FSD1: variants seen among roughly 807,000 people sequenced by gnomAD.
FSD1 encodes the protein fibronectin type III and SPRY domain containing 1, also known as fibronectin type III and SPRY domain-containing protein 1.
Under a neutral mutation model 58.2 loss-of-function variants are expected in FSD1, and 23 were observed. The observed-to-expected ratio is 0.40, with a 90% CI of 0.28 to 0.56. FSD1 has a LOEUF of 0.56. Among genes scored for constraint, FSD1 ranks in the 20% least tolerant of loss-of-function variants. The pLI, the probability that FSD1 is intolerant of heterozygous loss-of-function variation, is 0.54. For synonymous variants in FSD1, 265 were observed against 263.4 expected (o/e 1.01, Z -0.06); for missense variants, 563 against 670.8 (o/e 0.84, Z 1.78).
chr19:4,311,975 G>C lies in FSD1; in HGVS notation c.624G>C (p.Glu208Asp). ...TGGAGTACCGGCGGACCAACTTCGA[G>C]GGCCCGCCCCGCCTCAAGGAGGACC... Reference protein sequence around the residue: ...YVLEYRRTNFEGPPRLKEDQP... With the variant: ...YVLEYRRTNFDGPPRLKEDQP... Residue 208 changes from glutamate (E) to aspartate (D), a missense_variant, in exon 7 of 13, where the codon GAG (glutamate) becomes GAC (aspartate). Physicochemically the swap from Glu to Asp is conservative, Grantham distance 45. Transcript: ENST00000221856. The C allele has an allele frequency of 6.2e-7, 1 of 1,608,636 alleles. No homozygotes were observed. Among genetic ancestry groups the C allele is most frequent in the Non-Finnish European group, 8.5e-7 (1 of 1,179,512 alleles).
chr19:4,306,385 G>C (rs1971622693), intron 3 of FSD1, 56 bp downstream of exon 3: 2 of 1,590,162 alleles, frequency 1.3e-6, no homozygotes, highest in Admixed American at 1.7e-5. Context: ...ACAGAACGTA[G>C]CTGACCTCGG....
chr19:4,308,085 C>T (rs757403247), intron 4 of FSD1, 102 bp downstream of exon 4: 38 of 873,362 alleles, frequency 4.4e-5, no homozygotes, highest in East Asian at 5.4e-5. Context: ...CCCACCCATG[C>T]GATAGTTGGC....
At chr19:4,310,744 G>C (rs1332396250) in intron 6 of FSD1, 148 bp downstream of exon 6, 8 of 885,982 alleles carry the variant, frequency 9.0e-6, no homozygotes, top group South Asian at 3.4e-5. Flanking sequence ...TCCACGCCCT[G>C]TGGGGGGTGG....
intron 1 of FSD1, 60 bp downstream of exon 1, chr19:4,304,821 G>C (rs1285949016): frequency 1.9e-6 from 1 of 527,572 alleles, no homozygotes; most frequent in East Asian, 4.0e-5. Context: ...AAGGGGACCA[G>C]GTGTTGCCGC....
chr19:4,312,208 G>A (rs1250889747), intron 7 of FSD1, among the ~76,000 whole-genome samples, 157 bp downstream of exon 7: 1 of 152,186 alleles, frequency 6.6e-6, no homozygotes, highest in Non-Finnish European at 1.5e-5. Context: ...TGAGACAGTG[G>A]CCAGGCGCGG....
At chr19:4,306,360 C>T (rs376654610) in intron 3 of FSD1, 31 bp downstream of exon 3, 136 of 1,611,322 alleles carry the variant, frequency 8.4e-5, no homozygotes, top group Non-Finnish European at 9.9e-5. Context: ...CCTCTCCCCC[C>T]GCCCCTCCTA....
At chr19:4,310,217 T>C (rs1971672902) in intron 4 of FSD1, 56 bp from the exon 5 acceptor site, 7 of 1,601,830 alleles carry the variant, frequency 4.4e-6, no homozygotes, top group Non-Finnish European at 6.0e-6. Flanking sequence ...AGAGCAAGAC[T>C]CCGTCTCAAA....
intron 2 of FSD1, 27 bp from the exon 3 acceptor site, chr19:4,306,171 T>C: frequency 1.2e-6 from 2 of 1,613,830 alleles, no homozygotes; most frequent in South Asian, 2.2e-5. Context: ...ACACGGGCTT[T>C]GGCCGATTCT....
At chr19:4,312,930 C>A (rs974807631) in intron 7 of FSD1, among the ~76,000 whole-genome samples, 3 of 151,978 alleles carry the variant, frequency 2.0e-5, no homozygotes, top group Non-Finnish European at 4.4e-5. Flanking sequence ...CCTGCCTCAG[C>A]CTCCCAAATA....
chr19:4,310,459 C>T lies in FSD1; in HGVS notation c.369-16C>T, dbSNP rs774533083. Reference sequence around the variant, plus strand: ...GCCTGGTCCCCCACGCAACGCCTGCCACCTCCTTCCTGCAGAGTGACCATG... The same window carrying T: ...GCCTGGTCCCCCACGCAACGCCTGCTACCTCCTTCCTGCAGAGTGACCATG... On this transcript the variant is annotated splice_polypyrimidine_tract_variant and intron_variant, in intron 5 of 12. Transcript: ENST00000221856. 7.5e-6 allele frequency: 12 copies of T among 1,607,816 alleles called. No individual in the cohort carries two copies. In the Admixed American group the frequency reaches 1.8e-4, roughly 25 times the overall value.
chr19:4,305,783 C>T (rs148012139), intron 1 of FSD1, among the ~76,000 whole-genome samples, 163 bp from the exon 2 acceptor site: 4 of 152,060 alleles, frequency 2.6e-5, no homozygotes, highest in Admixed American at 6.6e-5. Flanking sequence ...ACCTGCCTGC[C>T]GTGTGTGTGT....
Position 4,318,356 on chromosome 19 carries a change from C to G in FSD1, c.810C>G (p.Phe270Leu). The change falls in exon 9 of 13, where the codon TTC (phenylalanine) becomes TTG (leucine). Residue 270 changes from phenylalanine (F) to leucine (L), a missense_variant. Transcript: ENST00000221856. ...PVTLETPAFM[F>L]RLDASTSHQN... ...TCTGCCCGGCCCCAGCGTTCATGTTCCGCCTGGATGCGTCCACATCCCACC... is the reference window on the plus strand; with the variant it reads ...TCTGCCCGGCCCCAGCGTTCATGTTGCGCCTGGATGCGTCCACATCCCACC... 6.2e-7 allele frequency: 1 copy of G among 1,613,860 alleles called. No homozygotes were observed. The highest frequency in any genetic ancestry group is 8.5e-7 in the Non-Finnish European group (1 of 1,179,994).
At chr19:4,307,524 C>A (rs1167153176) in intron 3 of FSD1, among the ~76,000 whole-genome samples, 4 of 152,162 alleles carry the variant, frequency 2.6e-5, no homozygotes, top group African/African-American at 9.7e-5. Flanking sequence ...CCCACCACCA[C>A]ACCCAGCTAC....
At chr19:4,310,061 C>T (rs190481553) in intron 4 of FSD1, among the ~76,000 whole-genome samples, 3 of 151,386 alleles carry the variant, frequency 2.0e-5, no homozygotes, top group Admixed American at 1.3e-4. Flanking sequence ...AACCCCATCT[C>T]TCTAAAAATA....
At position 4,304,696 on chromosome 19, in the gene FSD1, C is replaced by T. The variant is rs1971595856; in HGVS notation, c.-51C>T. 1.7e-6 allele frequency: 2 copies of T among 1,201,644 alleles called. No individual in the cohort carries two copies. Among genetic ancestry groups the T allele is most frequent in the Admixed American group, 4.2e-5 (1 of 23,570 alleles). The allele number at this position is 1,201,644 out of a possible 1,614,324, so 74.4% of individuals were successfully genotyped here. ...GCCGCGGCAAAGGCAGCTTGGGGAC[C>T]CAGCGTGCGCGGGGCCCGCGGGCCG... is the stretch of plus-strand genomic sequence containing the variant. On this transcript the variant is annotated 5_prime_UTR_variant, in exon 1 of 13. Transcript: ENST00000221856.
chr19:4,316,161 C>T (rs903426282), intron 7 of FSD1, among the ~76,000 whole-genome samples: 8 of 151,796 alleles, frequency 5.3e-5, no homozygotes, highest in African/African-American at 1.9e-4. Context: ...CTTGGGCTCA[C>T]ATGCTCCTCC....
intron 8 of FSD1, among the ~76,000 whole-genome samples, 156 bp downstream of exon 8, chr19:4,317,436 A>G (rs1971767047): frequency 3.3e-5 from 5 of 152,242 alleles, no homozygotes; most frequent in East Asian, 3.9e-4. Flanking sequence ...AGTGTCTGCT[A>G]TAACCCTGTT....
At chr19:4,320,541 G>T (rs1048232406) in intron 10 of FSD1, among the ~76,000 whole-genome samples, 1 of 152,178 alleles carries the variant, frequency 6.6e-6, no homozygotes, top group African/African-American at 2.4e-5. Context: ...GGAAGGAGTA[G>T]CTTGGGCTTG....
intron 1 of FSD1, among the ~76,000 whole-genome samples, chr19:4,305,003 A>ATCC (rs1971601380): frequency 9.3e-6 from 1 of 107,062 alleles, no homozygotes; most frequent in Non-Finnish European, 1.8e-5. Context: ...CCTGCCCAGT[A>ATCC]TCCCAGTCCC....
Sources: gnomAD v4.1 joint callset for allele counts (sites outside exome capture counted in the v4.1 genomes callset) on GRCh38, gnomAD v4.1.1 for gene constraint, MANE v1.5 for transcripts, NCBI Gene and HGNC (gene_info 2026-07-23, HGNC 2026-07-21) for gene names.